Variants in TGS1 observed in about 807,000 individuals in gnomAD.
TGS1 encodes the protein trimethylguanosine synthase 1.
TGS1 carries 69 observed loss-of-function variants against 92.2 expected under a neutral mutation model. That is an observed-to-expected ratio of 0.75 (90% confidence interval 0.62 to 0.91). The LOEUF is 0.91. TGS1 is among the 40% of genes least tolerant of loss of function. The pLI, the probability that TGS1 is intolerant of heterozygous loss-of-function variation, is 0.00. For synonymous variants in TGS1, 345 were observed against 338.1 expected, an observed-to-expected ratio of 1.02 and a Z score of -0.22; for missense variants, 1,062 against 1,001.2, an observed-to-expected ratio of 1.06 and a Z score of -0.82.
In TGS1 at chr8:55,790,307, A is replaced by C. The variant is rs771466780; in HGVS notation, c.1280+8A>C. 6.4e-7 allele frequency: 1 copy of C among 1,572,396 alleles called. No homozygotes were observed. Among genetic ancestry groups the C allele is most frequent in the South Asian group, 1.1e-5 (1 of 90,228 alleles). On this transcript the variant is annotated splice_region_variant and intron_variant, in intron 5 of 12. Transcript: ENST00000260129. ...AAGCAAACTGAAGAGGAGGTAAGTT[A>C]CATGAGACCCCTCTCACCAGAGCGT... is the stretch of plus-strand genomic sequence containing the variant.
rs10100659 is a variant in TGS1 at position 55,796,142 on chromosome 8, T to C, written c.1532T>C (p.Ile511Thr). ...AAACCATTTTTCAAGAAAAGCAAAA[T>C]TCTGAGTAAGGTATGTATAAATTTT... ...SEKPFFKKSK[I>T]LSKVEKFLTW... is the part of the protein sequence containing the mutation. Residue 511 changes from isoleucine (I) to threonine (T), a missense_variant, in exon 7 of 13, where the codon ATT becomes ACT. Coordinates refer to ENST00000260129, the MANE Select transcript of TGS1 (RefSeq NM_024831.8). 0.12 allele frequency: 191,563 copies of C among 1,605,860 alleles called. 12,989 individuals are homozygous for C. The highest frequency in any genetic ancestry group is 0.26 in the African/African-American group (19,616 of 74,644).
intron 5 of TGS1, among the ~76,000 whole-genome samples, chr8:55,790,966 T>TTCTC (rs3058135): frequency 0.15 from 22,207 of 149,478 alleles, 1,823 homozygotes; most frequent in African/African-American, 0.19. Context: ...AATTCATATC[T>TTCTC]TCTCTCTCTC....
At chr8:55,776,922 T>C (rs765542421) in intron 1 of TGS1, among the ~76,000 whole-genome samples, 61 of 152,312 alleles carry the variant, frequency 4.0e-4, no homozygotes, top group Middle Eastern at 3.4e-3. Context: ...AGAATCCTTC[T>C]AAGTCCATTA....
chr8:55,823,315 A>G (rs1380867035), intron 12 of TGS1, among the ~76,000 whole-genome samples: 1 of 152,208 alleles, frequency 6.6e-6, no homozygotes. Flanking sequence ...CTTGGAACAA[A>G]AGAATCTTTA....
intron 10 of TGS1, among the ~76,000 whole-genome samples, chr8:55,806,539 A>G (rs1184805246): frequency 8.5e-5 from 13 of 152,166 alleles, no homozygotes; most frequent in Admixed American, 7.2e-4. Flanking sequence ...AACTGTTTAC[A>G]TTATAGGTGA....
At chr8:55,784,469 C>A (rs1445590042) in intron 2 of TGS1, among the ~76,000 whole-genome samples, 1 of 152,134 alleles carries the variant, frequency 6.6e-6, no homozygotes, top group Non-Finnish European at 1.5e-5. Context: ...GGCACCACCA[C>A]ACCAGGGTAG....
rs760334975 is a variant in TGS1, at chr8:55,802,584, T to C, written c.1977T>C (p.Asp659=). 1.9e-6 allele frequency: 3 copies of C among 1,613,536 alleles called. No homozygotes were observed. Among genetic ancestry groups the C allele is most frequent in the Non-Finnish European group, 2.5e-6 (3 of 1,179,846 alleles). ...GGTACAGGCTCTTCTCCCGTTTTGA[T>C]GATGGGATTAAGTTGGACAGAGGTA... is the stretch of plus-strand genomic sequence containing the variant. ...AQRYRLFSRF[D]DGIKLDREGW... The change falls in exon 9 of 13, where the codon GAT becomes GAC. Residue 659 remains aspartate (D), a synonymous_variant. Transcript: ENST00000260129.
intron 6 of TGS1, among the ~76,000 whole-genome samples, chr8:55,794,644 T>G (rs576501669): frequency 6.6e-6 from 1 of 152,312 alleles, no homozygotes; most frequent in Admixed American, 6.5e-5. Flanking sequence ...CTGTGAACAT[T>G]TGTGTATAAA....
chr8:55,792,668 C>CTTA lies in TGS1; in HGVS notation c.1281-28_1281-26dup, dbSNP rs781255684. ...AACTAGTGGGCTCTGGTGGTAATGG[C>CTTA]TTATCACTGTTTACCTTTTCTTTAT... On this transcript the variant is annotated intron_variant, in intron 5 of 12. Transcript: ENST00000260129. 19 of 1,526,046 alleles carry CTTA rather than the reference C, an allele frequency of 1.2e-5. No individual in the cohort carries two copies. The African/African-American group carries it at 2.6e-4, about 21-fold the overall frequency. 94.5% of individuals were successfully genotyped at this position (1,526,046 alleles called of 1,614,324 possible).
intron 12 of TGS1, among the ~76,000 whole-genome samples, chr8:55,821,020 TAA>T (rs777630699): frequency 1.4e-4 from 22 of 152,378 alleles, no homozygotes; most frequent in Non-Finnish European, 2.8e-4. Context: ...ACTAAATTTA[TAA>T]GTCTTTCCAA....
Position 55,811,102 on chromosome 8 carries a change from C to A in TGS1, c.2360+5C>A. ...AACAATGATGTCTCCTGATGGATAT[C>A]CTTTGGAAGTCTTAAGAGTTTACTG... On this transcript the variant is annotated splice_donor_5th_base_variant and intron_variant, in intron 11 of 12. Transcript: ENST00000260129. The A allele has an allele frequency of 6.5e-7, 1 of 1,542,932 alleles. No individual in the cohort carries two copies. Among genetic ancestry groups the A allele is most frequent in the Middle Eastern group, 1.8e-4 (1 of 5,692 alleles).
In TGS1 at chr8:55,799,084, A is replaced by G; in HGVS notation, c.1713A>G (p.Glu571=). 6 of 1,614,174 alleles carry G rather than the reference A, an allele frequency of 3.7e-6. No homozygotes were observed. The Admixed American group carries it at 1.0e-4, about 27-fold the overall frequency. ...TGGAGACTAATAATCCAGAACCTGA[A>G]AAGTGTCAGAGCGTATCTTCAGCTG... ...DLLETNNPEP[E]KCQSVSSAGE... The change falls in exon 8 of 13, where the codon GAA becomes GAG. Residue 571 remains glutamate, a synonymous_variant. Transcript: ENST00000260129.
At chr8:55,790,989 A>T (rs1000189121) in intron 5 of TGS1, among the ~76,000 whole-genome samples, 10 of 123,468 alleles carry the variant, frequency 8.1e-5, no homozygotes, top group Non-Finnish European at 1.6e-4. Context: ...TCTCTCTCTC[A>T]CCAGTTCTAA....
intron 12 of TGS1, among the ~76,000 whole-genome samples, chr8:55,821,611 C>T (rs1044512095): frequency 2.6e-5 from 4 of 152,224 alleles, no homozygotes; most frequent in East Asian, 3.9e-4. Flanking sequence ...CGGTGGTTCA[C>T]GCCTGTAATC....
intron 10 of TGS1, among the ~76,000 whole-genome samples, chr8:55,807,927 C>G (rs1803220783): frequency 6.6e-6 from 1 of 152,114 alleles, no homozygotes; most frequent in South Asian, 2.1e-4. Context: ...CAACAGATTT[C>G]TACTGAATCT....
Position 55,799,163 on chromosome 8 carries a change from G to C in TGS1, c.1792G>C (p.Asp598His). ...ERDSLLATVP[D>H]EQDCVTQEVP... ...AGACAGCTTGCTAGCAACTGTTCCAGATGAGCAGGATTGTGTTACTCAAGA... is the reference window on the plus strand; with the variant it reads ...AGACAGCTTGCTAGCAACTGTTCCACATGAGCAGGATTGTGTTACTCAAGA... Residue 598 changes from aspartate (D) to histidine (H), a missense_variant, in exon 8 of 13, where the codon GAT becomes CAT. By Grantham distance (81) the Asp-to-His change is moderately conservative. Transcript: ENST00000260129. 6.2e-7 allele frequency: 1 copy of C among 1,614,202 alleles called. No homozygotes were observed. Among genetic ancestry groups the C allele is most frequent in the Non-Finnish European group, 8.5e-7 (1 of 1,180,024 alleles).
At chr8:55,816,082 GT>G (rs1357041525) in intron 12 of TGS1, among the ~76,000 whole-genome samples, 1 of 151,988 alleles carries the variant, frequency 6.6e-6, no homozygotes. Context: ...GCCTTCTAAA[GT>G]GCTGGGATCT....
In TGS1 at chr8:55,785,899, T is replaced by C. The variant is rs776787174; in HGVS notation, c.339+8T>C. 2 of 1,567,738 alleles carry C rather than the reference T, an allele frequency of 1.3e-6. No homozygotes were observed. Among genetic ancestry groups the C allele is most frequent in the Admixed American group, 2.0e-5 (1 of 51,144 alleles). ...GCACATAAGGATTTTGAGGTAAATA[T>C]TAATTTACTTTTATTATTTCTCTCT... On this transcript the variant is annotated splice_region_variant and intron_variant, in intron 3 of 12. Transcript: ENST00000260129.
intron 12 of TGS1, among the ~76,000 whole-genome samples, chr8:55,821,114 T>C (rs1803623649): frequency 6.6e-6 from 1 of 152,246 alleles, no homozygotes; most frequent in Non-Finnish European, 1.5e-5. Flanking sequence ...AAATTATTCG[T>C]AATCAGAACA....
Sources: gnomAD v4.1 joint callset for allele counts (sites outside exome capture counted in the v4.1 genomes callset) on GRCh38, gnomAD v4.1.1 for gene constraint, MANE v1.5 for transcripts, NCBI Gene and HGNC (gene_info 2026-07-23, HGNC 2026-07-21) for gene names.